The following DGKH variants were observed in gnomAD, a reference collection of about 807,000 sequenced individuals.
DGKH encodes the protein DAG kinase eta.
In DGKH, 90 loss-of-function variants were observed where a neutral mutation model predicts 159.3. That is an observed-to-expected ratio of 0.57 (90% confidence interval 0.48 to 0.67). The LOEUF is 0.67. DGKH is among the 30% of genes least tolerant of loss of function. DGKH has a pLI of 0.00. For synonymous variants in DGKH, 536 were observed against 553.8 expected (o/e 0.97, Z 0.45); for missense variants, 1,181 against 1,506.1 (o/e 0.78, Z 3.57).
At chr13:42,046,597 A>G (rs551732464), upstream of DGKH, among the ~76,000 whole-genome samples, 1 of 152,366 alleles carries the variant, frequency 6.6e-6, no homozygotes, top group Non-Finnish European at 1.5e-5. Flanking sequence ...TCTTTAAGCA[A>G]TCAGTGTTCA....
chr13:42,120,774 C>G (rs1955051949), intron 1 of DGKH, among the ~76,000 whole-genome samples: 1 of 151,406 alleles, frequency 6.6e-6, no homozygotes. Flanking sequence ...CTCGAAAGTT[C>G]ATGAACCCTC....
chr13:42,120,313 C>A, intron 1 of DGKH, among the ~76,000 whole-genome samples: 1 of 152,098 alleles, frequency 6.6e-6, no homozygotes, highest in Non-Finnish European at 1.5e-5. Context: ...TTAGGGTAAG[C>A]TTTTCATTTT....
At chr13:42,124,542 G>A (rs1013114391) in intron 1 of DGKH, among the ~76,000 whole-genome samples, 1 of 152,126 alleles carries the variant, frequency 6.6e-6, no homozygotes, top group Non-Finnish European at 1.5e-5. Flanking sequence ...AGGCTTTGGG[G>A]TGAGACTTGG....
intron 24 of DGKH, among the ~76,000 whole-genome samples, chr13:42,211,045 A>C (rs943435400): frequency 6.6e-6 from 1 of 152,252 alleles, no homozygotes; most frequent in East Asian, 1.9e-4. Context: ...AGTCAGGAGC[A>C]AAAAGAATAA....
intron 7 of DGKH, among the ~76,000 whole-genome samples, chr13:42,161,935 A>G (rs1956192596): frequency 6.6e-6 from 1 of 152,232 alleles, no homozygotes; most frequent in African/African-American, 2.4e-5. Flanking sequence ...CTTTAACAGC[A>G]GGAGTTAATT....
intron 1 of DGKH, among the ~76,000 whole-genome samples, chr13:42,082,078 A>G (rs1488837441): frequency 3.3e-5 from 5 of 151,890 alleles, no homozygotes; most frequent in Non-Finnish European, 7.4e-5. Context: ...TATCAGATCA[A>G]TCCTCATTGC....
chr13:42,122,107 A>T (rs1253308120), intron 1 of DGKH, among the ~76,000 whole-genome samples: 1 of 152,164 alleles, frequency 6.6e-6, no homozygotes, highest in Non-Finnish European at 1.5e-5. Flanking sequence ...TTTCTGGTAG[A>T]ACTTTTATAA....
intron 3 of DGKH, among the ~76,000 whole-genome samples, chr13:42,144,663 T>C (rs1031815001): frequency 1.4e-5 from 2 of 147,324 alleles, no homozygotes; most frequent in African/African-American, 5.0e-5. Flanking sequence ...GCTTGGGTGG[T>C]AGAGTGAGAC....
At chr13:42,073,601 G>A (rs1883115981) in intron 1 of DGKH, among the ~76,000 whole-genome samples, 1 of 152,320 alleles carries the variant, frequency 6.6e-6, no homozygotes, top group Non-Finnish European at 1.5e-5. Flanking sequence ...CTGAGCACAT[G>A]TAAAGTAGGC....
intron 1 of DGKH, among the ~76,000 whole-genome samples, chr13:42,064,485 C>T (rs888226714): frequency 1.6e-4 from 24 of 151,836 alleles, no homozygotes; most frequent in Admixed American, 1.2e-3. Flanking sequence ...TCTGTGTGTG[C>T]CAGGAAAAGC....
Position 42,168,816 on chromosome 13 carries a change from C to A in DGKH, c.1365C>A (p.Asp455Glu). 1 of 1,611,754 alleles carries A rather than the reference C, an allele frequency of 6.2e-7. No individual in the cohort carries two copies. The highest frequency in any genetic ancestry group is 8.5e-7 in the Non-Finnish European group (1 of 1,178,562). ...AACGAGCCAGTACCAAAATGTTGGA[C>A]AGGTAAAAGTAAATTCTTTTCTACA... The part of the protein sequence containing the change: ...KLERASTKML[D>E]RWSIMTYELK... The change falls in exon 11 of 30, where the codon GAC (aspartate) becomes GAA (glutamate). Residue 455 changes from aspartate (D) to glutamate (E), a missense_variant and splice_region_variant. This residue lies in a region of DGKH where 369 missense variants were observed against 519.4 expected (regional missense o/e 0.71). Coordinates refer to ENST00000337343, the MANE Select transcript of DGKH (RefSeq NM_178009.5).
chr13:42,057,704 A>G (rs1016426577), intron 1 of DGKH, among the ~76,000 whole-genome samples: 3 of 152,356 alleles, frequency 2.0e-5, no homozygotes, highest in Non-Finnish European at 2.9e-5. Context: ...AAGCAAAAAT[A>G]TACAAAAACC....
chr13:42,078,986 C>T (rs2137714103), intron 1 of DGKH, among the ~76,000 whole-genome samples: 1 of 140,998 alleles, frequency 7.1e-6, no homozygotes, highest in East Asian at 2.2e-4. Flanking sequence ...TCTTGGCTCA[C>T]TGCAACCTCC....
At position 42,187,156 on chromosome 13, in the gene DGKH, G is replaced by A. The variant is rs1203586828; in HGVS notation, c.1638+8G>A. The A allele has an allele frequency of 3.1e-6, 5 of 1,610,404 alleles. No homozygotes were observed. In the African/African-American group the frequency reaches 6.7e-5, roughly 22 times the overall value. ...GATGCCGTGGCCAGTAAAGTAAGAG[G>A]GGACTCTTCAGGGCATGAGAGTTGT... On this transcript the variant is annotated splice_region_variant and intron_variant, in intron 14 of 29. Transcript: ENST00000337343.
chr13:42,229,016 T>G, intron 29 of DGKH, 83 bp from the exon 30 acceptor site: 5 of 1,228,660 alleles, frequency 4.1e-6, no homozygotes, highest in Non-Finnish European at 4.5e-6. Flanking sequence ...CTTTTTTCCT[T>G]TTCTTTCATT....
intron 29 of DGKH, among the ~76,000 whole-genome samples, chr13:42,228,006 T>G (rs1344647957): frequency 6.6e-6 from 1 of 152,184 alleles, no homozygotes; most frequent in Non-Finnish European, 1.5e-5. Context: ...TTCAATTTTT[T>G]TGGAAGAAGT....
intron 1 of DGKH, among the ~76,000 whole-genome samples, chr13:42,053,103 A>T (rs919074203): frequency 1.3e-5 from 2 of 152,096 alleles, no homozygotes; most frequent in African/African-American, 4.8e-5. Flanking sequence ...TGAGAGGCCA[A>T]GGTAGGACAA....
intron 1 of DGKH, among the ~76,000 whole-genome samples, chr13:42,118,078 G>C (rs1954996428): frequency 1.3e-5 from 2 of 152,242 alleles, no homozygotes; most frequent in South Asian, 4.1e-4. Flanking sequence ...TTAGCCGGGC[G>C]TGTTGGCGGG....
chr13:42,142,201 G>C (rs1327152870), intron 3 of DGKH, among the ~76,000 whole-genome samples: 2 of 152,166 alleles, frequency 1.3e-5, no homozygotes, highest in East Asian at 3.8e-4. Flanking sequence ...AGATCGAATG[G>C]TTGTAGATAT....
Sources: allele counts gnomAD v4.1 joint callset (sites outside exome capture counted in the v4.1 genomes callset), GRCh38; gene constraint gnomAD v4.1.1; regional missense constraint gnomAD v4.1.1; transcripts MANE v1.5; gene names NCBI Gene and HGNC (gene_info 2026-07-23, HGNC 2026-07-21).